LLGL1: variants seen among roughly 807,000 people sequenced by gnomAD.
The protein encoded by LLGL1 is LLGL scribble cell polarity complex component 1, also known as lethal(2) giant larvae protein homolog 1.
In LLGL1, 58 loss-of-function variants were observed where a neutral mutation model predicts 110.6. That is an observed-to-expected ratio of 0.52 (90% CI 0.42 to 0.65). The LOEUF (loss-of-function observed/expected upper bound fraction) is 0.65. LLGL1 is among the 30% of genes least tolerant of loss of function. LLGL1 has a pLI of 0.00. For missense variants in LLGL1, 1,229 were observed against 1,462.1 expected (o/e 0.84, Z 2.60); for synonymous variants, 674 against 607.2 (o/e 1.11, Z -1.62).
chr17:18,237,622 G>T lies in LLGL1; in HGVS notation c.1753G>T (p.Ala585Ser). 1 of 1,611,542 alleles carries T rather than the reference G, an allele frequency of 6.2e-7. No individual in the cohort carries two copies. Among genetic ancestry groups the T allele is most frequent in the Non-Finnish European group, 8.5e-7 (1 of 1,179,888 alleles). Residue 585 changes from alanine (A) to serine (S), a missense_variant, in exon 14 of 23, where the codon GCT (alanine) becomes TCT (serine). Physicochemically the swap from Ala to Ser is moderately conservative, Grantham distance 99. Coordinates refer to ENST00000316843, the MANE Select transcript of LLGL1 (RefSeq NM_004140.4). ...SPRTGPLPWP[A>S]GFQPRVLVQC... ...ACGCACGGGGCCGCTGCCCTGGCCT[G>T]CTGGCTTCCAGCCCCGTGTCCTGGT...
At position 18,240,572 on chromosome 17, in the gene LLGL1, C is replaced by G; in HGVS notation, c.2207-6C>G. 1 of 1,585,782 alleles carries G rather than the reference C, an allele frequency of 6.3e-7. No individual in the cohort carries two copies. Among genetic ancestry groups the G allele is most frequent in the Non-Finnish European group, 8.6e-7 (1 of 1,162,536 alleles). On this transcript the variant is annotated splice_region_variant and splice_polypyrimidine_tract_variant and intron_variant, in intron 16 of 22. Transcript: ENST00000316843. This position sits in a 1 kb window ranked among gnomAD's most constrained non-coding sequence, Gnocchi z 5.3. Reference sequence around the variant, plus strand: ...GAGCACCCTCCTACGCGCTTGTTTTCTGCAGGGGCCCACCACGGGCCCACC... The same window carrying G: ...GAGCACCCTCCTACGCGCTTGTTTTGTGCAGGGGCCCACCACGGGCCCACC...
chr17:18,234,781 G>A lies in LLGL1; in HGVS notation c.906-58G>A, dbSNP rs2047653082. On this transcript the variant is annotated intron_variant, in intron 8 of 22. Coordinates refer to ENST00000316843, the MANE Select transcript of LLGL1 (RefSeq NM_004140.4). ...GAAGGGTGGGCTCTCCCTAGGTTGT[G>A]CAGTATGTGCTCTGGACCCAAGTGG... is the stretch of plus-strand genomic sequence containing the variant. 5 of 1,613,668 alleles carry A rather than the reference G, an allele frequency of 3.1e-6. No individual in the cohort carries two copies. The South Asian group carries it at 4.4e-5, about 14-fold the overall frequency.
chr17:18,237,426 C>T, intron 13 of LLGL1, 55 bp from the exon 14 acceptor site: 2 of 1,469,658 alleles, frequency 1.4e-6, no homozygotes. Context: ...CTGAGTGGGG[C>T]CCAGGGCGGC....
In LLGL1 at chr17:18,233,922, C is replaced by A; in HGVS notation, c.537C>A (p.Gly179=). 6.2e-7 allele frequency: 1 copy of A among 1,612,572 alleles called. No homozygotes were observed. The highest frequency in any genetic ancestry group is 8.5e-7 in the Non-Finnish European group (1 of 1,179,916). The change falls in exon 5 of 23, where the codon GGC becomes GGA. Residue 179 remains glycine (G), a synonymous_variant. Coordinates refer to ENST00000316843, the MANE Select transcript of LLGL1 (RefSeq NM_004140.4). ...TLLEGQTLAP[G]EVLRSVPDDY... ...TCGAGGGGCAGACGCTTGCCCCAGG[C>A]GAGGTTCTGCGCAGGTAAGAGGCCG... is the stretch of plus-strand genomic sequence containing the variant.
intron 14 of LLGL1, 26 bp from the exon 15 acceptor site, chr17:18,238,041 C>T: frequency 1.2e-6 from 2 of 1,611,692 alleles, no homozygotes; most frequent in Non-Finnish European, 8.5e-7. Context: ...TGCTCTATAG[C>T]ACGACTGGAC....
chr17:18,238,692 A>C, intron 16 of LLGL1, 83 bp downstream of exon 16: 1 of 1,410,388 alleles, frequency 7.1e-7, no homozygotes, highest in Non-Finnish European at 9.7e-7. Context: ...GGTGGTGGCA[A>C]GGGAGGTGGT....
At position 18,234,184 on chromosome 17, in the gene LLGL1, G is replaced by T. The variant is rs73288297; in HGVS notation, c.714+9G>T. ...TCTTCCTGGGGAACCAGGTATGTAG[G>T]TGAGGCCTGTGTCCCCTCAGCCTGG... On this transcript the variant is annotated intron_variant, in intron 6 of 22. Coordinates refer to ENST00000316843, the MANE Select transcript of LLGL1 (RefSeq NM_004140.4). The T allele has an allele frequency of 8.2e-3, 13,151 of 1,600,666 alleles. 477 individuals carry two copies. The African/African-American group carries it at 0.11, about 13-fold the overall frequency.
chr17:18,241,204 A>G (rs1056817606), intron 17 of LLGL1: 4 of 605,378 alleles, frequency 6.6e-6, no homozygotes, highest in Non-Finnish European at 1.2e-5. Context: ...TGGGGATACC[A>G]GCTGCATAAC....
intron 11 of LLGL1, chr17:18,235,950 ACT>A (rs1311225292): frequency 9.3e-6 from 2 of 215,588 alleles, no homozygotes. Context: ...CAGGCCTCTG[ACT>A]CTGGTGTGCC....
intron 16 of LLGL1, among the ~76,000 whole-genome samples, chr17:18,239,894 A>G (rs2047788133): frequency 6.6e-6 from 1 of 151,932 alleles, no homozygotes; most frequent in African/African-American, 2.4e-5. Context: ...AGTTGTGCAG[A>G]CACTTAATGC....
In LLGL1 at chr17:18,241,913, T is replaced by G. The variant is rs767898770; in HGVS notation, c.2796T>G (p.Phe932Leu). The change falls in exon 19 of 23, where the codon TTT becomes TTG. Residue 932 changes from phenylalanine (F) to leucine (L), a missense_variant. Transcript: ENST00000316843. ...QGFYLISPSE[F>L]ERFSLSARNI... ...TTTACCTGATATCCCCATCAGAATT[T>G]GAACGCTTCTCCCTAAGTGCCCGGA... 2 of 1,614,134 alleles carry G rather than the reference T, an allele frequency of 1.2e-6. No homozygotes were observed. The highest frequency in any genetic ancestry group is 1.7e-6 in the Non-Finnish European group (2 of 1,179,960).
At chr17:18,227,154 G>A (rs903398694) in intron 1 of LLGL1, among the ~76,000 whole-genome samples, 3 of 152,194 alleles carry the variant, frequency 2.0e-5, no homozygotes, top group Non-Finnish European at 4.4e-5. Flanking sequence ...GAGTAGTGGA[G>A]GCACTGGGAT....
intron 21 of LLGL1, 46 bp downstream of exon 21, chr17:18,242,674 A>G (rs765734825): frequency 1.1e-4 from 170 of 1,574,992 alleles, no homozygotes; most frequent in Non-Finnish European, 1.4e-4. Flanking sequence ...CCTGTCCCCT[A>G]GGCCTCCGTC....
At chr17:18,235,804 A>G in intron 11 of LLGL1, 5 of 493,428 alleles carry the variant, frequency 1.0e-5, no homozygotes, top group Non-Finnish European at 1.8e-5. Context: ...GGACTGGAAA[A>G]TCTGGGCTGG....
At chr17:18,235,775 G>A (rs2290507) in intron 11 of LLGL1, 78,012 of 532,834 alleles carry the variant, frequency 0.15, 6,485 homozygotes, top group East Asian at 0.27. Flanking sequence ...GGCTCCACCC[G>A]CCCAGCCTGC....
At chr17:18,238,376 TAACAG>T in intron 15 of LLGL1, 75 bp from the exon 16 acceptor site, 1 of 1,567,462 alleles carries the variant, frequency 6.4e-7, no homozygotes. Context: ...AGAGGAATGG[TAACAG>T]AACGTAGGGC....
At chr17:18,235,052 A>G (rs368658994) in intron 9 of LLGL1, 37 bp from the exon 10 acceptor site, 37 of 1,613,480 alleles carry the variant, frequency 2.3e-5, no homozygotes, top group South Asian at 4.4e-5. Flanking sequence ...TCTGCCACCT[A>G]TGGCTGTGCT....
At position 18,226,112 on chromosome 17, in the gene LLGL1, C is replaced by T. The variant is rs1460940280; in HGVS notation, c.81+349C>T. 2.6e-5 allele frequency among the ~76,000 whole-genome samples: 4 copies of T among 152,192 alleles called. No homozygotes were observed. In the East Asian group the frequency reaches 7.8e-4, roughly 30 times the overall value. ...TCTCCGCCGCTGACCGGCTGTCTCG[C>T]CCCAGTTGTGCCTGTGTGTGTGGTG... On this transcript the variant is annotated intron_variant, in intron 1 of 22. Coordinates refer to ENST00000316843, the MANE Select transcript of LLGL1 (RefSeq NM_004140.4).
intron 22 of LLGL1, among the ~76,000 whole-genome samples, chr17:18,243,190 C>G (rs9897554): frequency 0.031 from 4,740 of 152,300 alleles, 234 homozygotes; most frequent in African/African-American, 0.1. Context: ...TCACTGCAAC[C>G]TCTGCCTCCT....
Sources: gnomAD v4.1 joint callset for allele counts (sites outside exome capture counted in the v4.1 genomes callset) on GRCh38, gnomAD v4.1.1 for gene constraint, Gnocchi (gnomAD v3.1) non-coding constraint, MANE v1.5 for transcripts, NCBI Gene and HGNC (gene_info 2026-07-23, HGNC 2026-07-21) for gene names.